DPP10: variants seen among roughly 807,000 people sequenced by gnomAD.
DPP10 encodes dipeptidyl peptidase like 10, also known as inactive dipeptidyl peptidase 10.
A neutral mutation model predicts 120.9 loss-of-function variants in DPP10; 33 were observed. That is an observed-to-expected ratio of 0.27 (90% CI 0.21 to 0.37). The LOEUF (loss-of-function observed/expected upper bound fraction) is 0.37. Ranked by LOEUF, DPP10 falls within the 10% of genes least tolerant of loss-of-function variation. The pLI is 1.00. For synonymous variants in DPP10, 337 were observed against 326.1 expected (o/e 1.03, Z -0.36); for missense variants, 816 against 942.8 (o/e 0.87, Z 1.76).
Position 115,777,847 on chromosome 2 carries a change from C to A in DPP10, c.1361+13C>A. On this transcript the variant is annotated intron_variant, in intron 15 of 25. Coordinates refer to ENST00000410059, the MANE Select transcript of DPP10 (RefSeq NM_020868.6). ...GGCAGCTGTACAGGTAAGCAGTGTG[C>A]AAGGATCTCCTTACACAGATTGGCT... is the stretch of plus-strand genomic sequence containing the variant. 9 of 1,612,118 alleles carry A rather than the reference C, an allele frequency of 5.6e-6. No individual in the cohort carries two copies. Among genetic ancestry groups the A allele is most frequent in the Non-Finnish European group, 7.6e-6 (9 of 1,178,528 alleles).
intron 1 of DPP10, among the ~76,000 whole-genome samples, chr2:115,173,090 GT>G (rs899560591): frequency 6.6e-6 from 1 of 151,856 alleles, no homozygotes; most frequent in Admixed American, 6.6e-5. Context: ...TTCTGAATTT[GT>G]TTTTTTTCCC....
intron 3 of DPP10, among the ~76,000 whole-genome samples, chr2:115,437,017 C>T (rs751769474): frequency 2.0e-5 from 3 of 151,850 alleles, no homozygotes; most frequent in Non-Finnish European, 4.4e-5. Context: ...AGTCTCATAT[C>T]GGTAAGTAAT....
At chr2:114,955,764 T>C (rs1698154143) in intron 1 of DPP10, among the ~76,000 whole-genome samples, 1 of 152,206 alleles carries the variant, frequency 6.6e-6, no homozygotes, top group Non-Finnish European at 1.5e-5. Context: ...GTGAGATTTA[T>C]GCTTGGGACG....
At chr2:114,521,932 C>T (rs1215393928) in intron 1 of DPP10, among the ~76,000 whole-genome samples, 53 of 149,216 alleles carry the variant, frequency 3.6e-4, no homozygotes, top group African/African-American at 9.9e-4. Flanking sequence ...CTCAGCCTCC[C>T]GAGTAGCTGG....
chr2:115,360,510 G>A (rs1227170931), intron 3 of DPP10, among the ~76,000 whole-genome samples: 1 of 152,172 alleles, frequency 6.6e-6, no homozygotes, highest in East Asian at 1.9e-4. Context: ...AGAGTCAGCA[G>A]GTATGTTCTT....
chr2:115,539,557 C>T (rs1205845212), intron 5 of DPP10, among the ~76,000 whole-genome samples: 2 of 151,792 alleles, frequency 1.3e-5, no homozygotes, highest in Non-Finnish European at 2.9e-5. Flanking sequence ...TTCCATTAAT[C>T]CAAGAAGGAT....
chr2:115,257,672 G>A (rs1194164420), intron 1 of DPP10, among the ~76,000 whole-genome samples: 2 of 152,112 alleles, frequency 1.3e-5, no homozygotes, highest in African/African-American at 4.8e-5. Context: ...ACTCAGTATG[G>A]CATTTCATCT....
At chr2:115,777,879 TG>T in intron 15 of DPP10, 45 bp downstream of exon 15, 1 of 1,582,912 alleles carries the variant, frequency 6.3e-7, no homozygotes. Context: ...GGCTTCTCAA[TG>T]GCTATCTATG....
chr2:115,317,977 A>G (rs2061877725), intron 2 of DPP10, among the ~76,000 whole-genome samples: 1 of 151,900 alleles, frequency 6.6e-6, no homozygotes, highest in African/African-American at 2.4e-5. Context: ...CTGTTCTTTC[A>G]TTGCTTGTGC....
chr2:115,723,112 A>G (rs1256299755), intron 7 of DPP10, among the ~76,000 whole-genome samples: 2 of 152,146 alleles, frequency 1.3e-5, no homozygotes, highest in African/African-American at 4.8e-5. Flanking sequence ...AGCTGAGAAG[A>G]CTATTTTGAA....
rs545983457 is a variant in DPP10 at position 115,111,062 on chromosome 2, G to A, written c.61-198177G>A. Among the ~76,000 whole-genome samples, 34 of 152,220 alleles carry A rather than the reference G, an allele frequency of 2.2e-4. 1 individual carries two copies. In the Middle Eastern group the frequency reaches 0.01, roughly 46 times the overall value. ...ACCAAATACTGAAATTGAAACTGTG[G>A]AGAAGGAAACGCAATCCTATGGCAC... is the stretch of plus-strand genomic sequence containing the variant. On this transcript the variant is annotated intron_variant, in intron 1 of 25. Transcript: ENST00000410059.
Position 115,060,890 on chromosome 2 carries a change from G to C in DPP10, c.61-248349G>C, listed in dbSNP as rs1035958116. Among the ~76,000 whole-genome samples the C allele has an allele frequency of 2.6e-5, 4 of 152,062 alleles. No homozygotes were observed. In the East Asian group the frequency reaches 7.7e-4, roughly 29 times the overall value. Reference sequence around the variant, plus strand: ...ATTTTCTGGGAAACCTATGGACAAGGTGCTCACCTCGCTTGCAAGAACAAG... The same window carrying C: ...ATTTTCTGGGAAACCTATGGACAAGCTGCTCACCTCGCTTGCAAGAACAAG... On this transcript the variant is annotated intron_variant, in intron 1 of 25. Coordinates refer to ENST00000410059, the MANE Select transcript of DPP10 (RefSeq NM_020868.6).
chr2:115,820,794 G>GGTGTGTGT (rs763942579), intron 21 of DPP10, among the ~76,000 whole-genome samples: 21 of 112,740 alleles, frequency 1.9e-4, no homozygotes, highest in African/African-American at 5.0e-4. Context: ...AGTATTCCAT[G>GGTGTGTGT]GTGTATGTGT....
At chr2:114,664,626 C>CAAAAAAAAAA (rs374561367) in intron 1 of DPP10, among the ~76,000 whole-genome samples, 1 of 81,562 alleles carries the variant, frequency 1.2e-5, no homozygotes, top group Non-Finnish European at 2.9e-5. Flanking sequence ...GACTCCGTCT[C>CAAAAAAAAAA]AAAAAAAAAA....
At chr2:115,838,830 C>A (rs2150128870) in intron 24 of DPP10, among the ~76,000 whole-genome samples, 1 of 152,180 alleles carries the variant, frequency 6.6e-6, no homozygotes, top group Non-Finnish European at 1.5e-5. Context: ...ATACACATAC[C>A]ACACAACCCA....
intron 3 of DPP10, among the ~76,000 whole-genome samples, chr2:115,424,598 C>T (rs1034987636): frequency 1.3e-5 from 2 of 151,830 alleles, no homozygotes; most frequent in African/African-American, 4.8e-5. Context: ...TTCTTGTTTG[C>T]CTCAGTTTTA....
chr2:115,327,659 C>A (rs570144898), intron 2 of DPP10, among the ~76,000 whole-genome samples: 3 of 152,084 alleles, frequency 2.0e-5, no homozygotes, highest in Non-Finnish European at 4.4e-5. Context: ...GAGTTTAGCT[C>A]ATAACTCAAG....
intron 1 of DPP10, among the ~76,000 whole-genome samples, chr2:114,717,873 C>T (rs1474312735): frequency 2.0e-5 from 3 of 152,270 alleles, no homozygotes; most frequent in Admixed American, 2.0e-4. Flanking sequence ...TATAACTACT[C>T]TGTATTTACA....
At chr2:114,815,018 G>T (rs191301459) in intron 1 of DPP10, among the ~76,000 whole-genome samples, 2 of 152,188 alleles carry the variant, frequency 1.3e-5, no homozygotes, top group East Asian at 3.9e-4. Flanking sequence ...CAAGAGAAGG[G>T]GGCAAACCTG....
Sources: gnomAD v4.1 joint callset for allele counts (sites outside exome capture counted in the v4.1 genomes callset) on GRCh38, gnomAD v4.1.1 for gene constraint, MANE v1.5 for transcripts, NCBI Gene and HGNC (gene_info 2026-07-23, HGNC 2026-07-21) for gene names.